USP31: variants seen among roughly 807,000 people sequenced by gnomAD.
USP31 encodes ubiquitin specific peptidase 31.
A neutral mutation model predicts 119.4 loss-of-function variants in USP31; 44 were observed. The ratio of observed to expected loss-of-function variants is 0.37; its 90% CI spans 0.29 to 0.47. USP31 has a LOEUF of 0.47. USP31 is among the 20% of genes least tolerant of loss of function. The probability of loss-of-function intolerance (pLI) is 0.99; values close to 1 mark genes in which losing one functional copy is unlikely to be tolerated. For missense variants in USP31, 1,643 were observed against 1,730.2 expected (o/e 0.95, Z 0.89); for synonymous variants, 749 against 705.6 (o/e 1.06, Z -0.97).
rs1274743835 is a variant in USP31 at position 23,063,922 on chromosome 16, G to A, written c.*4124C>T. Reference sequence around the variant, plus strand: ...GTTGATCAAAAGGCAGTGTGAGAGTGTTCATTTAAATAAAACCACTGGATT... The same window carrying A: ...GTTGATCAAAAGGCAGTGTGAGAGTATTCATTTAAATAAAACCACTGGATT... On this transcript the variant is annotated 3_prime_UTR_variant, in exon 16 of 16. Transcript: ENST00000219689. 6.6e-6 allele frequency: 1 copy of A among 152,190 alleles called. No homozygotes were observed. Among genetic ancestry groups the A allele is most frequent in the Non-Finnish European group, 1.5e-5 (1 of 68,020 alleles). 9.4% of individuals were successfully genotyped at this position (152,190 alleles called of 1,614,324 possible).
chr16:23,133,646 C>T (rs958645138), intron 1 of USP31, among the ~76,000 whole-genome samples: 15 of 152,170 alleles, frequency 9.9e-5, no homozygotes, highest in Non-Finnish European at 1.5e-4. Flanking sequence ...CCTCAGTTAT[C>T]GGTCAATTCA....
At chr16:23,089,638 T>A (rs2141851311) in intron 7 of USP31, among the ~76,000 whole-genome samples, 1 of 152,344 alleles carries the variant, frequency 6.6e-6, no homozygotes, top group Non-Finnish European at 1.5e-5. Flanking sequence ...CTAACAAATG[T>A]TAAGAAACAC....
chr16:23,141,636 C>CA (rs1228924249), intron 1 of USP31, among the ~76,000 whole-genome samples: 1 of 152,198 alleles, frequency 6.6e-6, no homozygotes, highest in East Asian at 1.9e-4. Context: ...CACGGCCTCC[C>CA]AAAGTGCTGG....
At chr16:23,087,666 T>C (rs1901168205) in intron 8 of USP31, 58 bp downstream of exon 8, 1 of 1,437,568 alleles carries the variant, frequency 7.0e-7, no homozygotes, top group Non-Finnish European at 9.7e-7. Context: ...ATTGTAATGT[T>C]TGTTTCTTCA....
At chr16:23,104,793 T>C (rs1309125437) in intron 5 of USP31, among the ~76,000 whole-genome samples, 1 of 152,208 alleles carries the variant, frequency 6.6e-6, no homozygotes, top group Non-Finnish European at 1.5e-5. Flanking sequence ...AATAAAATAA[T>C]AATAGTAAAT....
At chr16:23,121,630 T>C (rs1165563684) in intron 1 of USP31, among the ~76,000 whole-genome samples, 1 of 152,200 alleles carries the variant, frequency 6.6e-6, no homozygotes, top group African/African-American at 2.4e-5. Flanking sequence ...TATCATATAG[T>C]AACTTCAAAG....
chr16:23,118,599 CTTACA>C (rs1902570671), intron 1 of USP31, among the ~76,000 whole-genome samples: 1 of 152,162 alleles, frequency 6.6e-6, no homozygotes, highest in South Asian at 2.1e-4. Flanking sequence ...TATATGACTT[CTTACA>C]TTACGTTTTA....
At chr16:23,075,493 C>T (rs1398885509) in intron 13 of USP31, among the ~76,000 whole-genome samples, 2 of 152,154 alleles carry the variant, frequency 1.3e-5, no homozygotes, top group African/African-American at 4.8e-5. Flanking sequence ...GAAGTATTCT[C>T]TAGGCCAGTG....
chr16:23,124,539 A>G (rs1310663064), intron 1 of USP31, among the ~76,000 whole-genome samples: 2 of 152,172 alleles, frequency 1.3e-5, no homozygotes, highest in Non-Finnish European at 2.9e-5. Context: ...GCACTAGAAC[A>G]CTGGAGATAT....
At position 23,063,603 on chromosome 16, in the gene USP31, A is replaced by G. The variant is rs759343127; in HGVS notation, c.*4443T>C. 6.6e-6 allele frequency: 1 copy of G among 152,566 alleles called. No individual in the cohort carries two copies. 9.5% of individuals were successfully genotyped at this position (152,566 alleles called of 1,614,324 possible). ...TGCAAAATACTTTACAATCTCGCCA[A>G]TGATCAGAAAAACAGCAGAGAAATA... On this transcript the variant is annotated 3_prime_UTR_variant, in exon 16 of 16. Transcript: ENST00000219689.
Position 23,148,923 on chromosome 16 carries a change from C to T in USP31, c.348G>A (p.Pro116=). The change falls in exon 1 of 16, where the codon CCG becomes CCA. Residue 116 remains proline (P), a synonymous_variant. Coordinates refer to ENST00000219689, the MANE Select transcript of USP31 (RefSeq NM_020718.4). The part of the protein sequence containing the change: ...PCPPPPASPA[P]PACAAEPVPG... ...GCACCGGCTCGGCGGCGCAAGCGGG[C>T]GGCGCGGGAGAGGCGGGCGGCGGCG... 8.5e-6 allele frequency: 11 copies of T among 1,300,014 alleles called. No homozygotes were observed. Among genetic ancestry groups the T allele is most frequent in the Non-Finnish European group, 1.1e-5 (11 of 1,018,306 alleles). 80.5% of individuals were successfully genotyped at this position (1,300,014 alleles called of 1,614,324 possible).
chr16:23,079,541 C>A (rs1453975424), intron 13 of USP31: 2 of 156,822 alleles, frequency 1.3e-5, no homozygotes, highest in South Asian at 1.9e-4. Flanking sequence ...CCAGCCTGGG[C>A]AACACAGCAA....
At chr16:23,142,606 C>T (rs1903384607) in intron 1 of USP31, among the ~76,000 whole-genome samples, 1 of 152,162 alleles carries the variant, frequency 6.6e-6, no homozygotes, top group Non-Finnish European at 1.5e-5. Flanking sequence ...GGTTCTGCTC[C>T]CTCAACCTCT....
At chr16:23,141,647 G>T (rs1903356050) in intron 1 of USP31, among the ~76,000 whole-genome samples, 1 of 152,178 alleles carries the variant, frequency 6.6e-6, no homozygotes. Flanking sequence ...AAAGTGCTGG[G>T]ATTACAGGCA....
At chr16:23,148,616 G>T (rs1903602220) in intron 1 of USP31, 22 bp downstream of exon 1, 3 of 1,448,960 alleles carry the variant, frequency 2.1e-6, no homozygotes, top group Admixed American at 2.8e-5. Flanking sequence ...TGCAGTGGGG[G>T]CGCGGCGGCG....
intron 8 of USP31, 53 bp downstream of exon 8, chr16:23,087,671 T>A (rs1901168461): frequency 6.8e-7 from 1 of 1,470,096 alleles, no homozygotes; most frequent in African/African-American, 1.4e-5. Flanking sequence ...AATGTTTGTT[T>A]CTTCACTGAG....
At position 23,068,493 on chromosome 16, in the gene USP31, C is replaced by G; in HGVS notation, c.3612G>C (p.Leu1204=). 6.2e-7 allele frequency: 1 copy of G among 1,613,388 alleles called. No homozygotes were observed. The highest frequency in any genetic ancestry group is 8.5e-7 in the Non-Finnish European group (1 of 1,179,556). Residue 1204 remains leucine, a synonymous_variant, in exon 16 of 16, where the codon CTG becomes CTC. Coordinates refer to ENST00000219689, the MANE Select transcript of USP31 (RefSeq NM_020718.4). ...ACTTGATGCTTGTGCTGGGGGAGCG[C>G]AGGCTGGCCATGGAGGAGCTCCGCA... ...KHVRSSSMAS[L]RSPSTSIKSG...
Position 23,072,103 on chromosome 16 carries a change from G to A in USP31, c.2430C>T (p.Thr810=), listed in dbSNP as rs1402999678. Residue 810 remains threonine, a synonymous_variant, in exon 15 of 16, where the codon ACC becomes ACT. Coordinates refer to ENST00000219689, the MANE Select transcript of USP31 (RefSeq NM_020718.4). ...CGGACTCAGAGAGCGACGCCAGGGA[G>A]GTGCGTCTGGAGGAAGCTGCAGAGG... ...SVTSAASSRR[T]SLASLSESVE... The A allele has an allele frequency of 1.2e-6, 2 of 1,613,558 alleles. No homozygotes were observed. Among genetic ancestry groups the A allele is most frequent in the Admixed American group, 3.3e-5 (2 of 60,010 alleles).
chr16:23,144,266 T>C (rs1903441355), intron 1 of USP31, among the ~76,000 whole-genome samples: 1 of 152,162 alleles, frequency 6.6e-6, no homozygotes, highest in Admixed American at 6.5e-5. Context: ...AAGGTAACTA[T>C]CTCAAGATGG....
Sources: allele counts gnomAD v4.1 joint callset (sites outside exome capture counted in the v4.1 genomes callset), GRCh38; gene constraint gnomAD v4.1.1; transcripts MANE v1.5; gene names NCBI Gene and HGNC (gene_info 2026-07-23, HGNC 2026-07-21).